ANO5: variants seen among roughly 807,000 people sequenced by gnomAD.
ANO5 encodes the protein anoctamin 5, also known as anoctamin-5.
A neutral mutation model predicts 121.0 loss-of-function variants in ANO5; 109 were observed. The observed-to-expected ratio is 0.90, with a 90% CI of 0.77 to 1.06. ANO5 has a LOEUF of 1.06. Ranked by LOEUF, ANO5 falls within the 50% of genes least tolerant of loss-of-function variation. The pLI is 0.00. For synonymous variants in ANO5, 406 were observed against 359.9 expected, an observed-to-expected ratio of 1.13 and a Z score of -1.45; for missense variants, 1,064 against 1,078.5, an observed-to-expected ratio of 0.99 and a Z score of 0.19.
At chr11:22,215,046 T>A (rs1204297191) in intron 3 of ANO5, among the ~76,000 whole-genome samples, 2 of 152,032 alleles carry the variant, frequency 1.3e-5, no homozygotes, top group Non-Finnish European at 2.9e-5. Flanking sequence ...GAAACTATTA[T>A]GCTTAAGAGA....
intron 4 of ANO5, among the ~76,000 whole-genome samples, chr11:22,219,882 G>A (rs1482334730): frequency 3.1e-5 from 4 of 130,970 alleles, no homozygotes; most frequent in African/African-American, 8.2e-5. Context: ...TAATCTCTAG[G>A]TTCCCTAGAT....
In ANO5 at chr11:22,241,092, C is replaced by G. The variant is rs183882472; in HGVS notation, c.878+1408C>G. 2.0e-5 allele frequency among the ~76,000 whole-genome samples: 3 copies of G among 151,566 alleles called. No individual in the cohort carries two copies. The East Asian group carries it at 5.8e-4, about 29-fold the overall frequency. Reference sequence around the variant, plus strand: ...ATGTTTTTTGTGTGGGTATATTGCACGATGCTGAGGTTTGGGGTGCAGATC... The same window carrying G: ...ATGTTTTTTGTGTGGGTATATTGCAGGATGCTGAGGTTTGGGGTGCAGATC... On this transcript the variant is annotated intron_variant, in intron 9 of 21. Transcript: ENST00000324559.
At chr11:22,259,351 T>C (rs1159007390) in intron 14 of ANO5, among the ~76,000 whole-genome samples, 168 bp from the exon 15 acceptor site, 2 of 152,316 alleles carry the variant, frequency 1.3e-5, no homozygotes, top group Non-Finnish European at 2.9e-5. Flanking sequence ...ACCTTGCCAG[T>C]GTTCATGTCT....
At position 22,280,592 on chromosome 11, in the gene ANO5, T is replaced by A. The variant is rs1855043362; in HGVS notation, c.*827T>A. ...TGCAGGACAATGTATATTGATTAATTTGTTGATTTTAATTTAGAAAATTGT... is the reference window on the plus strand; with the variant it reads ...TGCAGGACAATGTATATTGATTAATATGTTGATTTTAATTTAGAAAATTGT... On this transcript the variant is annotated 3_prime_UTR_variant, in exon 22 of 22. Transcript: ENST00000324559. 1 of 151,984 alleles carries A rather than the reference T, an allele frequency of 6.6e-6. No homozygotes were observed. The highest frequency in any genetic ancestry group is 2.4e-5 in the African/African-American group (1 of 41,452). The allele number at this position is 151,984 out of a possible 1,614,324, so 9.4% of individuals were successfully genotyped here.
At chr11:22,239,507 T>A in intron 8 of ANO5, 62 bp from the exon 9 acceptor site, 1 of 1,192,542 alleles carries the variant, frequency 8.4e-7, no homozygotes, top group East Asian at 2.3e-5. Flanking sequence ...CAGCAGTGTT[T>A]ATTTACTTCG....
rs1564954085 is a variant in ANO5 at position 22,276,145 on chromosome 11, T to C, written c.2466T>C (p.Asn822=). The stretch of plus-strand genomic sequence containing the variant: ...ATGACGAGAATAAATATTTTCATAA[T>C]ATGCAATTCTGGCATGTCCTTGCTG... The part of the protein sequence containing the change: ...PPDDENKYFH[N]MQFWHVLAAK... The change falls in exon 21 of 22, where the codon AAT becomes AAC. Residue 822 remains asparagine, a synonymous_variant. Transcript: ENST00000324559. 6.2e-7 allele frequency: 1 copy of C among 1,611,622 alleles called. No individual in the cohort carries two copies. Among genetic ancestry groups the C allele is most frequent in the Non-Finnish European group, 8.5e-7 (1 of 1,178,200 alleles).
rs1854235061 is a variant in ANO5, at chr11:22,262,821, A to G, written c.1801-125A>G. 1.4e-5 allele frequency: 11 copies of G among 767,142 alleles called. No homozygotes were observed. The South Asian group carries it at 1.5e-4, about 10-fold the overall frequency. 47.5% of individuals were successfully genotyped at this position (767,142 alleles called of 1,614,324 possible). ...CAGGTTTGGAACTATTGGGCTAAAT[A>G]TATCTTAACCCTTCCAACCAAAACC... On this transcript the variant is annotated intron_variant, in intron 16 of 21. Coordinates refer to ENST00000324559, the MANE Select transcript of ANO5 (RefSeq NM_213599.3).
intron 8 of ANO5, among the ~76,000 whole-genome samples, chr11:22,239,321 G>A (rs945473846): frequency 2.6e-5 from 4 of 152,180 alleles, no homozygotes; most frequent in Middle Eastern, 3.4e-3. Context: ...GGCATTCCAG[G>A]TGAAAGAATA....
At position 22,262,127 on chromosome 11, in the gene ANO5, A is replaced by AT; in HGVS notation, c.1631-2_1631-1insT. ...ACTAAACATTTTTTTTTAACTTAACAGAAATTCCTCGAACATACCAGGAGT... is the reference window on the plus strand; with the variant it reads ...ACTAAACATTTTTTTTTAACTTAACATGAAATTCCTCGAACATACCAGGAGT... On this transcript the variant is annotated splice_acceptor_variant, in intron 15 of 21. Transcript: ENST00000324559. LOFTEE classifies it high-confidence loss of function. 1 of 1,613,424 alleles carries AT rather than the reference A, an allele frequency of 6.2e-7. No homozygotes were observed. The highest frequency in any genetic ancestry group is 1.1e-5 in the South Asian group (1 of 90,984).
chr11:22,193,124 C>T lies in ANO5; in HGVS notation c.-369C>T. The T allele has an allele frequency of 3.7e-6, 4 of 1,090,590 alleles. No individual in the cohort carries two copies. Among genetic ancestry groups the T allele is most frequent in the Non-Finnish European group, 4.5e-6 (4 of 892,584 alleles). 67.6% of individuals were successfully genotyped at this position (1,090,590 alleles called of 1,614,324 possible). A position where few individuals can be genotyped will look rare whatever the true frequency, so the allele number is the denominator to read the frequency against. ...CGAGCACCGGGAGGAGTGGCGGCTG[C>T]GGGATCAGCTGCCGAGCAGGCACAG... On this transcript the variant is annotated 5_prime_UTR_variant, in exon 1 of 22. Coordinates refer to ENST00000324559, the MANE Select transcript of ANO5 (RefSeq NM_213599.3).
intron 9 of ANO5, among the ~76,000 whole-genome samples, chr11:22,247,398 A>C (rs1459244645): frequency 6.6e-6 from 1 of 151,714 alleles, no homozygotes; most frequent in Non-Finnish European, 1.5e-5. Context: ...GAAACAAAAG[A>C]TAATTTAGAT....
chr11:22,272,041 T>C (rs961241592), intron 18 of ANO5, among the ~76,000 whole-genome samples: 15 of 152,112 alleles, frequency 9.9e-5, no homozygotes, highest in African/African-American at 3.6e-4. Flanking sequence ...TGGAAAGCCA[T>C]TTCCATTAAA....
chr11:22,252,933 G>A (rs1425261960), intron 12 of ANO5, among the ~76,000 whole-genome samples: 1 of 152,072 alleles, frequency 6.6e-6, no homozygotes, highest in East Asian at 1.9e-4. Context: ...CATATTTTGA[G>A]TGTACATGCC....
chr11:22,259,326 A>G (rs1328243109), intron 14 of ANO5, among the ~76,000 whole-genome samples, 193 bp from the exon 15 acceptor site: 2 of 152,126 alleles, frequency 1.3e-5, no homozygotes, highest in African/African-American at 2.4e-5. Flanking sequence ...TATATGCCTT[A>G]TCTCTAACCC....
chr11:22,272,302 G>GCACACACACACACACACACACA lies in ANO5; in HGVS notation c.2030-459_2030-438dup, dbSNP rs60487083. On this transcript the variant is annotated intron_variant, in intron 18 of 21. Coordinates refer to ENST00000324559, the MANE Select transcript of ANO5 (RefSeq NM_213599.3). ...TAGAAAATGTATATTTCCTTTTCCG[G>GCACACACACACACACACACACA]CACACACACACACACACACACACAC... Among the ~76,000 whole-genome samples, 6 of 134,488 alleles carry GCACACACACACACACACACACA rather than the reference G, an allele frequency of 4.5e-5. No homozygotes were observed. In the East Asian group the frequency reaches 7.0e-4, roughly 16 times the overall value. 88.2% of individuals were successfully genotyped at this position (134,488 alleles called of 152,430 possible). A position where few individuals can be genotyped will look rare whatever the true frequency, so the allele number is the denominator to read the frequency against.
intron 6 of ANO5, among the ~76,000 whole-genome samples, 160 bp from the exon 7 acceptor site, chr11:22,227,142 T>C (rs2133610623): frequency 6.6e-6 from 1 of 152,246 alleles, no homozygotes; most frequent in East Asian, 1.9e-4. Flanking sequence ...CTATATGTTT[T>C]GTGAATTTTG....
chr11:22,227,393 CT>C lies in ANO5; in HGVS notation c.456del (p.Ile153LeufsTer14). ...TYAEVLGIKMPIKESDIPRPK... is the reference protein window; with the variant it reads ...TYAEVLGIKMXIKESDIPRPK... Reference sequence around the variant, plus strand: ...GCTGAAGTCTTGGGAATCAAAATGCCTATTAAGGAGAGTGATATTCCCCGCC... The same window carrying C: ...GCTGAAGTCTTGGGAATCAAAATGCCATTAAGGAGAGTGATATTCCCCGCC... On this transcript the variant is annotated frameshift_variant, in exon 7 of 22. Coordinates refer to ENST00000324559, the MANE Select transcript of ANO5 (RefSeq NM_213599.3). LOFTEE classifies it high-confidence loss of function. 6.2e-7 allele frequency: 1 copy of C among 1,613,362 alleles called. No individual in the cohort carries two copies. The highest frequency in any genetic ancestry group is 8.5e-7 in the Non-Finnish European group (1 of 1,179,714).
In ANO5 at chr11:22,281,781, A is replaced by G. The variant is rs1447371225; in HGVS notation, c.*2016A>G. On this transcript the variant is annotated 3_prime_UTR_variant, in exon 22 of 22. Transcript: ENST00000324559. ...ATTCACAAAGTTATCTGTACACTGC[A>G]GTTTTAAAATATACCAACTAAATTA... 6.6e-6 allele frequency: 1 copy of G among 152,142 alleles called. No individual in the cohort carries two copies. Among genetic ancestry groups the G allele is most frequent in the Non-Finnish European group, 1.5e-5 (1 of 67,968 alleles). 9.4% of individuals were successfully genotyped at this position (152,142 alleles called of 1,614,324 possible).
intron 17 of ANO5, among the ~76,000 whole-genome samples, chr11:22,269,313 AGGAAGGAGAAAAAAAGAAAG>A (rs1854499581): frequency 1.1e-5 from 1 of 94,808 alleles, no homozygotes. Flanking sequence ...AAAGGAAGGA[AGGAAGGAGAAAAAAAGAAAG>A]AGAAGGAAAA....
Sources: gnomAD v4.1 joint callset for allele counts (sites outside exome capture counted in the v4.1 genomes callset) on GRCh38, gnomAD v4.1.1 for gene constraint, MANE v1.5 for transcripts, NCBI Gene and HGNC (gene_info 2026-07-23, HGNC 2026-07-21) for gene names.